The following PDE1C variants were observed in gnomAD, a reference collection of about 807,000 sequenced individuals.
PDE1C encodes phosphodiesterase 1C.
In PDE1C, 62 loss-of-function variants were observed where a neutral mutation model predicts 93.1. The ratio of observed to expected loss-of-function variants is 0.67; its 90% CI spans 0.54 to 0.82. The LOEUF (loss-of-function observed/expected upper bound fraction) is 0.82. PDE1C is among the 40% of genes least tolerant of loss of function. PDE1C has a pLI of 0.00. For missense variants in PDE1C, 742 were observed against 884.6 expected, an observed-to-expected ratio of 0.84 and a Z score of 2.04; for synonymous variants, 325 against 310.1, an observed-to-expected ratio of 1.05 and a Z score of -0.50.
At position 31,951,088 on chromosome 7, in the gene PDE1C, C is replaced by T. The variant is rs547727580; in HGVS notation, c.129-70228G>A. 3.9e-4 allele frequency among the ~76,000 whole-genome samples: 59 copies of T among 152,276 alleles called. 2 individuals are homozygous for T. Among genetic ancestry groups the T allele is most frequent in the African/African-American group, 1.4e-3 (58 of 41,556 alleles). On this transcript the variant is annotated intron_variant, in intron 2 of 17. Transcript: ENST00000396191. The stretch of plus-strand genomic sequence containing the variant: ...GCCTTTTCTCTTGCGTGTACATATC[C>T]ATTCCCAGTGTCTCTTCCTCTTCTT...
chr7:32,407,607 G>A (rs1785081835), intron 1 of PDE1C, among the ~76,000 whole-genome samples: 1 of 152,168 alleles, frequency 6.6e-6, no homozygotes. Context: ...GTATATGTGA[G>A]AGAGCCGGTG....
At chr7:31,925,037 TTCTGTG>T (rs1456035887) in intron 2 of PDE1C, among the ~76,000 whole-genome samples, 2 of 116,260 alleles carry the variant, frequency 1.7e-5, no homozygotes, top group Non-Finnish European at 3.5e-5. Context: ...AAGTAGACAT[TTCTGTG>T]TGTGTGTGTG....
At chr7:31,835,527 T>A (rs916286006) in intron 11 of PDE1C, among the ~76,000 whole-genome samples, 3 of 3,472 alleles carry the variant, frequency 8.6e-4, no homozygotes, top group Non-Finnish European at 7.3e-3. Context: ...GGTGCTGCGG[T>A]GTGTGTGTGT....
At chr7:32,064,182 A>G (rs1795118366) in intron 1 of PDE1C, among the ~76,000 whole-genome samples, 1 of 152,082 alleles carries the variant, frequency 6.6e-6, no homozygotes, top group African/African-American at 2.4e-5. Context: ...AATAATAAGA[A>G]CCAAGATTCT....
the PDE1C span, among the ~76,000 whole-genome samples, chr7:31,638,840 A>C: frequency 1.3e-5 from 2 of 152,036 alleles, no homozygotes; most frequent in Non-Finnish European, 2.9e-5. Context: ...GGAGTGACCC[A>C]ATCTCAGCTT....
Position 32,136,338 on chromosome 7 carries a change from A to T in PDE1C, c.308+33447T>A, listed in dbSNP as rs918003813. ...ATTTAAAAAAAATTAATGCATTTTT[A>T]TTTATTTATTTATTTATTTTTGAGA... On this transcript the variant is annotated intron_variant, in intron 3 of 18. Transcript: ENST00000396193. Among the ~76,000 whole-genome samples the T allele has an allele frequency of 8.1e-5, 12 of 148,910 alleles. No individual in the cohort carries two copies. In the East Asian group the frequency reaches 2.3e-3, roughly 28 times the overall value.
chr7:32,377,436 G>A (rs533849141), intron 1 of PDE1C, among the ~76,000 whole-genome samples: 11 of 152,272 alleles, frequency 7.2e-5, no homozygotes, highest in South Asian at 4.1e-4. Context: ...TTTAAGTAGC[G>A]TATGGTTCCC....
chr7:32,215,275 T>A (rs1806347412), intron 1 of PDE1C, among the ~76,000 whole-genome samples: 1 of 152,170 alleles, frequency 6.6e-6, no homozygotes, highest in Non-Finnish European at 1.5e-5. Context: ...CTAGGCTGCA[T>A]GTGCCTTATG....
intron 1 of PDE1C, among the ~76,000 whole-genome samples, chr7:32,393,782 T>C (rs931756546): frequency 1.3e-5 from 2 of 152,254 alleles, no homozygotes; most frequent in African/African-American, 2.4e-5. Context: ...CACTTGAATT[T>C]GGAGGCCTCT....
intron 1 of PDE1C, among the ~76,000 whole-genome samples, chr7:32,061,467 A>T (rs529850324): frequency 6.6e-6 from 1 of 152,384 alleles, no homozygotes; most frequent in Non-Finnish European, 1.5e-5. Context: ...CAGGAGGCCA[A>T]GCCCCCTCAA....
chr7:31,824,420 T>G (rs1227464778), intron 13 of PDE1C, among the ~76,000 whole-genome samples: 1 of 152,120 alleles, frequency 6.6e-6, no homozygotes, highest in African/African-American at 2.4e-5. Flanking sequence ...GAGCTGCCCT[T>G]GATATAATGA....
downstream of PDE1C, among the ~76,000 whole-genome samples, chr7:31,748,329 G>T (rs1794048898): frequency 6.6e-6 from 1 of 151,154 alleles, no homozygotes; most frequent in African/African-American, 2.4e-5. Context: ...AAGAGATGCT[G>T]CTAAAAGGGC....
chr7:31,985,019 AAG>A (rs1563144307), intron 2 of PDE1C, among the ~76,000 whole-genome samples: 1 of 152,176 alleles, frequency 6.6e-6, no homozygotes, highest in African/African-American at 2.4e-5. Flanking sequence ...CTCAAAGTAA[AAG>A]AGAGCAAAAT....
At chr7:32,420,204 C>T (rs12381401) in intron 1 of PDE1C, among the ~76,000 whole-genome samples, 12 of 16,676 alleles carry the variant, frequency 7.2e-4, no homozygotes, top group Admixed American at 2.5e-3. Flanking sequence ...TATATATATA[C>T]ATATATATGT....
chr7:32,293,562 A>G (rs528883028), intron 1 of PDE1C, among the ~76,000 whole-genome samples: 65 of 152,320 alleles, frequency 4.3e-4, no homozygotes, highest in Non-Finnish European at 7.5e-4. Flanking sequence ...CCATACTGCC[A>G]TAACCTAAGG....
At chr7:32,132,731 G>A (rs928707749) in intron 3 of PDE1C, among the ~76,000 whole-genome samples, 30 of 152,010 alleles carry the variant, frequency 2.0e-4, no homozygotes, top group Admixed American at 1.6e-3. Flanking sequence ...AATTGTTGGG[G>A]GCAAGAATAG....
At chr7:32,283,174 G>A (rs894588432) in intron 1 of PDE1C, among the ~76,000 whole-genome samples, 16 of 152,202 alleles carry the variant, frequency 1.1e-4, no homozygotes, top group South Asian at 6.2e-4. Context: ...AACAATAGAG[G>A]ACCAGCTAAA....
intron 2 of PDE1C, among the ~76,000 whole-genome samples, chr7:32,181,612 A>G (rs1803428054): frequency 6.6e-6 from 1 of 152,156 alleles, no homozygotes; most frequent in Non-Finnish European, 1.5e-5. Flanking sequence ...GAGAACAAAG[A>G]CACAACATAC....
At chr7:32,375,109 C>A (rs1784412938) in intron 1 of PDE1C, among the ~76,000 whole-genome samples, 1 of 152,148 alleles carries the variant, frequency 6.6e-6, no homozygotes, top group African/African-American at 2.4e-5. Context: ...TATCCCAGGG[C>A]TACTAGCAGC....
Sources: gnomAD v4.1 joint callset for allele counts (sites outside exome capture counted in the v4.1 genomes callset) on GRCh38, gnomAD v4.1.1 for gene constraint, MANE v1.5 for transcripts, NCBI Gene and HGNC (gene_info 2026-07-23, HGNC 2026-07-21) for gene names.